Variants in NKAIN3 observed in about 807,000 individuals in gnomAD.
The protein encoded by NKAIN3 is sodium/potassium transporting ATPase interacting 3.
Under a neutral mutation model 30.2 loss-of-function variants are expected in NKAIN3, and 25 were observed. The ratio of observed to expected loss-of-function variants is 0.83; its 90% confidence interval spans 0.60 to 1.16. The LOEUF is 1.16. NKAIN3 is among the 50% of genes most tolerant of loss of function. NKAIN3 has a pLI of 0.00. For synonymous variants in NKAIN3, 91 were observed against 89.6 expected (o/e 1.02, Z -0.09); for missense variants, 225 against 254.1 (o/e 0.89, Z 0.78).
chr8:62,267,790 T>A (rs1812653651), intron 1 of NKAIN3, among the ~76,000 whole-genome samples: 1 of 152,216 alleles, frequency 6.6e-6, no homozygotes, highest in African/African-American at 2.4e-5. Context: ...ACTGAAAATA[T>A]GTCCCATAGA....
intron 1 of NKAIN3, among the ~76,000 whole-genome samples, chr8:62,539,558 C>T (rs1053517934): frequency 6.6e-6 from 1 of 152,182 alleles, no homozygotes; most frequent in Non-Finnish European, 1.5e-5. Flanking sequence ...AACACCTACA[C>T]TGCACCTGGG....
Position 62,436,731 on chromosome 8 carries a change from G to A in NKAIN3, c.55-142808G>A, listed in dbSNP as rs149322410. 1.6e-3 allele frequency among the ~76,000 whole-genome samples: 249 copies of A among 152,176 alleles called. 5 individuals are homozygous for A. In the South Asian group the frequency reaches 0.04, roughly 25 times the overall value. On this transcript the variant is annotated intron_variant, in intron 1 of 6. Coordinates refer to ENST00000623646, the MANE Select transcript of NKAIN3 (RefSeq NM_001304533.3). ...ATAATGATGTTATAAATGTCAAATA[G>A]CTTTTTATGCATTACGGAATCAGAC...
At chr8:62,779,950 G>T in intron 4 of NKAIN3, among the ~76,000 whole-genome samples, 1 of 151,854 alleles carries the variant, frequency 6.6e-6, no homozygotes, top group East Asian at 1.9e-4. Context: ...AAATAATAAA[G>T]ATCAAAGCAG....
intron 4 of NKAIN3, among the ~76,000 whole-genome samples, chr8:62,860,654 A>G (rs1451734033): frequency 1.3e-5 from 2 of 152,202 alleles, no homozygotes; most frequent in African/African-American, 4.8e-5. Flanking sequence ...AACAGGCATT[A>G]GAGATAGTCG....
intron 4 of NKAIN3, among the ~76,000 whole-genome samples, chr8:62,859,508 T>TAAAAAAAAAAAAAAAAAAAACAAAAAAA (rs531859546): frequency 1.7e-5 from 1 of 60,442 alleles, no homozygotes; most frequent in Non-Finnish European, 3.4e-5. Flanking sequence ...TTACTTCAAC[T>TAAAAAAAAAAAAAAAAAAAACAAAAAAA]AAAAAAAAAA....
At chr8:62,774,607 T>TA (rs1385336459) in intron 4 of NKAIN3, among the ~76,000 whole-genome samples, 4 of 152,184 alleles carry the variant, frequency 2.6e-5, no homozygotes, top group African/African-American at 9.6e-5. Context: ...TTAGGGTTTG[T>TA]ATCACAAAGG....
chr8:62,496,507 C>A (rs146799339), intron 1 of NKAIN3, among the ~76,000 whole-genome samples: 1 of 152,246 alleles, frequency 6.6e-6, no homozygotes, highest in East Asian at 1.9e-4. Context: ...CCATGGATCT[C>A]CATCTTCCTT....
At chr8:62,804,147 G>A (rs1457724093) in intron 4 of NKAIN3, among the ~76,000 whole-genome samples, 1 of 152,170 alleles carries the variant, frequency 6.6e-6, no homozygotes, top group African/African-American at 2.4e-5. Context: ...AAAGAGTCCA[G>A]GACCAGATGG....
At chr8:62,471,664 C>T (rs1381890606) in intron 1 of NKAIN3, among the ~76,000 whole-genome samples, 1 of 152,112 alleles carries the variant, frequency 6.6e-6, no homozygotes, top group Non-Finnish European at 1.5e-5. Context: ...TCTACTTCAG[C>T]TCACTGGGGG....
In NKAIN3 at chr8:62,969,716, C is replaced by A. The variant is rs192030161; in HGVS notation, c.*4309C>A. On this transcript the variant is annotated 3_prime_UTR_variant, in exon 7 of 7. Transcript: ENST00000623646. ...AAAACTATAACAACTTGAATGCCTG[C>A]GGTTTTATTTCCATCTAATTTAAAA... Among the ~76,000 whole-genome samples the A allele has an allele frequency of 4.7e-4, 71 of 152,238 alleles. No homozygotes were observed. Among genetic ancestry groups the A allele is most frequent in the African/African-American group, 1.6e-3 (66 of 41,540 alleles).
chr8:62,704,127 G>T (rs919421693), intron 3 of NKAIN3, among the ~76,000 whole-genome samples: 4 of 151,928 alleles, frequency 2.6e-5, no homozygotes, highest in African/African-American at 9.7e-5. Flanking sequence ...TCCATATTTG[G>T]TTACCCATCT....
intron 5 of NKAIN3, among the ~76,000 whole-genome samples, chr8:62,992,021 C>CT (rs11357507): frequency 3.7e-4 from 54 of 147,074 alleles, no homozygotes; most frequent in Admixed American, 9.5e-4. Flanking sequence ...CCTTCTTCTT[C>CT]TTTTTTTTTT....
chr8:62,703,861 G>T (rs976089560), intron 3 of NKAIN3, among the ~76,000 whole-genome samples: 1 of 152,058 alleles, frequency 6.6e-6, no homozygotes, highest in Non-Finnish European at 1.5e-5. Flanking sequence ...AGTATCACTG[G>T]TAAGAAAGTC....
chr8:62,731,972 T>C (rs1815483108), intron 3 of NKAIN3, among the ~76,000 whole-genome samples: 1 of 151,986 alleles, frequency 6.6e-6, no homozygotes, highest in South Asian at 2.1e-4. Context: ...TTTTTGCCCA[T>C]AGAATGCATC....
chr8:62,823,330 T>A (rs996427722), intron 4 of NKAIN3, among the ~76,000 whole-genome samples: 5 of 152,294 alleles, frequency 3.3e-5, no homozygotes, highest in Non-Finnish European at 7.4e-5. Flanking sequence ...ATGCAGCAGA[T>A]GACTATATAC....
At chr8:62,871,412 A>C (rs1469129373) in intron 4 of NKAIN3, among the ~76,000 whole-genome samples, 6 of 123,560 alleles carry the variant, frequency 4.9e-5, no homozygotes, top group East Asian at 2.0e-4. Context: ...CAAAAAAAAA[A>C]AAAAAACAAA....
At chr8:62,949,723 C>T (rs1563641975) in intron 5 of NKAIN3, among the ~76,000 whole-genome samples, 1 of 149,084 alleles carries the variant, frequency 6.7e-6, no homozygotes, top group Non-Finnish European at 1.5e-5. Flanking sequence ...AATTGTGTTG[C>T]TTTTTTTTTT....
At chr8:62,724,126 G>T (rs1815184084) in intron 3 of NKAIN3, among the ~76,000 whole-genome samples, 1 of 151,980 alleles carries the variant, frequency 6.6e-6, no homozygotes, top group Non-Finnish European at 1.5e-5. Flanking sequence ...AAATTAGGTT[G>T]TTTTTAAGCA....
chr8:62,818,189 A>G (rs1351349), intron 4 of NKAIN3, among the ~76,000 whole-genome samples: 133,793 of 152,120 alleles, frequency 0.88, 58,965 homozygotes, highest in Admixed American at 0.9. Context: ...TTGTACCAAT[A>G]TCAATTCCTT....
Sources: allele counts gnomAD v4.1 joint callset (sites outside exome capture counted in the v4.1 genomes callset), GRCh38; gene constraint gnomAD v4.1.1; transcripts MANE v1.5; gene names NCBI Gene and HGNC (gene_info 2026-07-23, HGNC 2026-07-21).